Variants in TLE1 observed in about 807,000 individuals in gnomAD.
The protein encoded by TLE1 is TLE family member 1, transcriptional corepressor.
In TLE1, 21 loss-of-function variants were observed where a neutral mutation model predicts 89.8. The observed-to-expected ratio is 0.23, with a 90% CI of 0.17 to 0.34. The LOEUF (loss-of-function observed/expected upper bound fraction) is 0.34, where lower values mean the gene tolerates loss of function less well. TLE1 is among the 10% of genes least tolerant of loss of function. The probability of loss-of-function intolerance (pLI) is 1.00; values close to 1 mark genes in which losing one functional copy is unlikely to be tolerated. For synonymous variants in TLE1, 447 were observed against 407.6 expected (o/e 1.10, Z -1.16); for missense variants, 795 against 1,031.2 (o/e 0.77, Z 3.14).
chr9:81,598,080 A>G (rs1037469960), intron 14 of TLE1, among the ~76,000 whole-genome samples: 1 of 152,188 alleles, frequency 6.6e-6, no homozygotes, highest in African/African-American at 2.4e-5. Context: ...CTGCCTACGG[A>G]CTTGGCACTC....
rs770700517 is a variant in TLE1 at position 81,620,553 on chromosome 9, T to C, written c.599A>G (p.Asn200Ser). The C allele has an allele frequency of 1.2e-6, 2 of 1,609,286 alleles. No homozygotes were observed. Among genetic ancestry groups the C allele is most frequent in the Non-Finnish European group, 1.7e-6 (2 of 1,178,888 alleles). ...HHRDREPGTS[N>S]SLLVPDSLRG... The stretch of plus-strand genomic sequence containing the variant: ...TAGACTGTCTGGGACCAGGAGGGAA[T>C]TACTCTGCAAGACAAAAAAATTAAT... The change falls in exon 9 of 20, where the codon AAT becomes AGT. Residue 200 changes from asparagine (N) to serine (S), a missense_variant. By Grantham distance (46) the Asn-to-Ser change is conservative. Around this residue, in one of 4 missense-constraint regions of TLE1, gnomAD observed 468 missense variants for 509.1 expected, o/e 0.92. Coordinates refer to ENST00000376499, the MANE Select transcript of TLE1 (RefSeq NM_005077.5).
At chr9:81,667,655 C>G (rs1030606023) in intron 4 of TLE1, among the ~76,000 whole-genome samples, 6 of 152,058 alleles carry the variant, frequency 3.9e-5, no homozygotes, top group Non-Finnish European at 8.8e-5. Context: ...CCATTCCTGG[C>G]CCCTCAAACT....
At chr9:81,637,091 G>C (rs7040376) in intron 6 of TLE1, among the ~76,000 whole-genome samples, 1 of 152,068 alleles carries the variant, frequency 6.6e-6, no homozygotes, top group Admixed American at 6.5e-5. Flanking sequence ...GGGAAGGTGG[G>C]TCATGCCTGT....
chr9:81,675,708 G>GTTTTTTTTTTTGT, intron 4 of TLE1, among the ~76,000 whole-genome samples: 1 of 132,440 alleles, frequency 7.6e-6, no homozygotes, highest in African/African-American at 3.0e-5. Flanking sequence ...GTTTTTTTTT[G>GTTTTTTTTTTTGT]TTTTTTTTTT....
intron 6 of TLE1, among the ~76,000 whole-genome samples, chr9:81,649,301 A>G (rs1829250077): frequency 6.6e-6 from 1 of 152,172 alleles, no homozygotes; most frequent in Non-Finnish European, 1.5e-5. Flanking sequence ...GGGGACTGTT[A>G]ATTCACTCAA....
In TLE1 at chr9:81,583,760, T is replaced by A. The variant is rs962135306; in HGVS notation, c.*438A>T. ...ACAAATGTTTAACCTTCAACAAAAA[T>A]ACAAAAAAACATTTCACAAGATGCA... On this transcript the variant is annotated 3_prime_UTR_variant, in exon 20 of 20. Transcript: ENST00000376499. 3 of 160,706 alleles carry A rather than the reference T, an allele frequency of 1.9e-5. No homozygotes were observed. The highest frequency in any genetic ancestry group is 1.8e-4 in the Admixed American group (3 of 16,864). The allele number at this position is 160,706 out of a possible 1,614,324, so 10.0% of individuals were successfully genotyped here.
chr9:81,638,389 A>T (rs903701889), intron 6 of TLE1, among the ~76,000 whole-genome samples: 9 of 152,224 alleles, frequency 5.9e-5, no homozygotes, highest in African/African-American at 2.2e-4. Context: ...TTAAATGAGT[A>T]GAGGGTCCAA....
At chr9:81,663,860 G>C (rs1215590815) in intron 4 of TLE1, among the ~76,000 whole-genome samples, 2 of 151,804 alleles carry the variant, frequency 1.3e-5, no homozygotes, top group African/African-American at 4.8e-5. Flanking sequence ...TTCTGACCTC[G>C]TGATCCGCCC....
At chr9:81,606,004 A>G (rs1831605525) in intron 14 of TLE1, among the ~76,000 whole-genome samples, 1 of 152,210 alleles carries the variant, frequency 6.6e-6, no homozygotes, top group Admixed American at 6.5e-5. Flanking sequence ...TATGCAGCCA[A>G]CAGACACATG....
At position 81,597,669 on chromosome 9, in the gene TLE1, C is replaced by G. The variant is rs7045031; in HGVS notation, c.1332-4395G>C. Reference sequence around the variant, plus strand: ...GAATCAAGCTCCTACAGATCAGGATCGCTTCTGCTTCTGAAGTCTGGTGTC... The same window carrying G: ...GAATCAAGCTCCTACAGATCAGGATGGCTTCTGCTTCTGAAGTCTGGTGTC... On this transcript the variant is annotated intron_variant, in intron 14 of 19. Coordinates refer to ENST00000376499, the MANE Select transcript of TLE1 (RefSeq NM_005077.5). Among the ~76,000 whole-genome samples, 1,024 of 152,274 alleles carry G rather than the reference C, an allele frequency of 6.7e-3. 13 individuals are homozygous for G. The highest frequency in any genetic ancestry group is 0.023 in the African/African-American group (969 of 41,550).
intron 14 of TLE1, among the ~76,000 whole-genome samples, chr9:81,596,030 C>G (rs1430666491): frequency 6.6e-6 from 1 of 151,964 alleles, no homozygotes; most frequent in Non-Finnish European, 1.5e-5. Flanking sequence ...TTTCATCAAT[C>G]TCAGATTTTT....
At chr9:81,626,840 G>C (rs953728152) in intron 8 of TLE1, among the ~76,000 whole-genome samples, 6 of 152,052 alleles carry the variant, frequency 3.9e-5, no homozygotes, top group African/African-American at 1.4e-4. Flanking sequence ...CCCTCCTCCA[G>C]GCAAAACAAA....
At chr9:81,587,918 G>GTGTGTGTGTGTCATCCCGCCTGTGTGTT in intron 16 of TLE1, 90 bp from the exon 17 acceptor site, 1 of 909,714 alleles carries the variant, frequency 1.1e-6, no homozygotes, top group Non-Finnish European at 1.6e-6. Context: ...GTGTGTGTGT[G>GTGTGTGTGTGTCATCCCGCCTGTGTGTT]TGTGTGTGTG....
intron 4 of TLE1, among the ~76,000 whole-genome samples, chr9:81,679,137 G>A (rs1311638188): frequency 1.3e-5 from 2 of 152,084 alleles, no homozygotes; most frequent in African/African-American, 4.8e-5. Flanking sequence ...AACAGATTAA[G>A]ACTCTATCGC....
intron 6 of TLE1, among the ~76,000 whole-genome samples, chr9:81,642,927 G>A (rs945832772): frequency 2.6e-5 from 4 of 152,144 alleles, no homozygotes; most frequent in African/African-American, 7.2e-5. Flanking sequence ...TACCACTTAC[G>A]ACAACATGGG....
At position 81,584,152 on chromosome 9, in the gene TLE1, A is replaced by G. The variant is rs1201559697; in HGVS notation, c.*46T>C. 6.6e-7 allele frequency: 1 copy of G among 1,509,718 alleles called. No individual in the cohort carries two copies. Among genetic ancestry groups the G allele is most frequent in the South Asian group, 1.1e-5 (1 of 87,666 alleles). 93.5% of individuals were successfully genotyped at this position (1,509,718 alleles called of 1,614,324 possible). On this transcript the variant is annotated 3_prime_UTR_variant, in exon 20 of 20. Transcript: ENST00000376499. The stretch of plus-strand genomic sequence containing the variant: ...ACTTTTCTATTTCTATAAATTCGAA[A>G]CATTTTGGCCCAATTCAACTATAAA...
At chr9:81,600,598 T>C (rs1830784572) in intron 14 of TLE1, among the ~76,000 whole-genome samples, 1 of 143,754 alleles carries the variant, frequency 7.0e-6, no homozygotes, top group Non-Finnish European at 1.5e-5. Flanking sequence ...AGGAACAAAA[T>C]GGGCATGTTA....
intron 16 of TLE1, among the ~76,000 whole-genome samples, chr9:81,588,120 T>C (rs1587851160): frequency 6.6e-6 from 1 of 152,170 alleles, no homozygotes; most frequent in East Asian, 1.9e-4. Flanking sequence ...CAAAACCGTC[T>C]GGAAGGTAAA....
intron 8 of TLE1, among the ~76,000 whole-genome samples, chr9:81,626,269 T>C (rs1037824461): frequency 2.0e-5 from 3 of 152,036 alleles, no homozygotes; most frequent in African/African-American, 7.2e-5. Context: ...ACTAAGGCAG[T>C]AGGAACCTAA....
Sources: allele counts gnomAD v4.1 joint callset (sites outside exome capture counted in the v4.1 genomes callset), GRCh38; gene constraint gnomAD v4.1.1; regional missense constraint gnomAD v4.1.1; transcripts MANE v1.5; gene names NCBI Gene and HGNC (gene_info 2026-07-23, HGNC 2026-07-21).